Variants in CNTNAP2 observed in about 807,000 individuals in gnomAD.
The protein encoded by CNTNAP2 is contactin-associated protein-like 2.
In CNTNAP2, 98 loss-of-function variants were observed where a neutral mutation model predicts 155.2. The ratio of observed to expected loss-of-function variants is 0.63; its 90% CI spans 0.54 to 0.75. CNTNAP2 has a LOEUF of 0.75. CNTNAP2 is among the 30% of genes least tolerant of loss of function. CNTNAP2 has a pLI of 0.00. For missense variants in CNTNAP2, 1,727 were observed against 1,688.1 expected (o/e 1.02, Z -0.40); for synonymous variants, 651 against 631.2 (o/e 1.03, Z -0.47).
intron 13 of CNTNAP2, chr7:147,672,642 G>A (rs1421693512): frequency 6.6e-6 from 1 of 152,110 alleles, no homozygotes; most frequent in Non-Finnish European, 1.5e-5. Flanking sequence ...TTGAAATATA[G>A]GTGTCAAGCA....
chr7:146,848,327 T>C (rs1794802406), intron 3 of CNTNAP2, among the ~76,000 whole-genome samples: 1 of 152,150 alleles, frequency 6.6e-6, no homozygotes, highest in African/African-American at 2.4e-5. Flanking sequence ...ACAGTGCAAA[T>C]TGCAGACAGA....
chr7:146,491,045 A>C (rs1309294606), intron 1 of CNTNAP2, among the ~76,000 whole-genome samples: 2 of 152,170 alleles, frequency 1.3e-5, no homozygotes, highest in African/African-American at 4.8e-5. Flanking sequence ...TATTCTTTCT[A>C]GAGTGCATAT....
rs1026387988 is a variant in CNTNAP2 at position 146,737,014 on chromosome 7, G to A, written c.98-37257G>A. Among the ~76,000 whole-genome samples the A allele has an allele frequency of 4.6e-5, 7 of 151,926 alleles. 1 individual carries two copies. The highest frequency in any genetic ancestry group is 5.9e-5 in the Non-Finnish European group (4 of 67,958). Reference sequence around the variant, plus strand: ...CGTAAGTTTACTTTCTATTGTGAAAGGAATTAATCAAATAATGTGTGAAGA... The same window carrying A: ...CGTAAGTTTACTTTCTATTGTGAAAAGAATTAATCAAATAATGTGTGAAGA... On this transcript the variant is annotated intron_variant, in intron 1 of 23. Coordinates refer to ENST00000361727, the MANE Select transcript of CNTNAP2 (RefSeq NM_014141.6).
At chr7:146,224,409 T>C (rs1799257296) in intron 1 of CNTNAP2, among the ~76,000 whole-genome samples, 1 of 150,014 alleles carries the variant, frequency 6.7e-6, no homozygotes, top group Non-Finnish European at 1.5e-5. Flanking sequence ...AAGTTACGTT[T>C]TTATCAAGGA....
intron 11 of CNTNAP2, among the ~76,000 whole-genome samples, chr7:147,503,364 G>C (rs770448603): frequency 6.6e-6 from 1 of 152,130 alleles, no homozygotes; most frequent in African/African-American, 2.4e-5. Context: ...CATTGATCCA[G>C]TACAAATTAA....
intron 1 of CNTNAP2, among the ~76,000 whole-genome samples, chr7:146,374,760 G>A (rs756519228): frequency 2.0e-5 from 3 of 151,976 alleles, no homozygotes; most frequent in South Asian, 2.1e-4. Flanking sequence ...CCATTCATAC[G>A]GATTAAAATA....
At chr7:147,942,833 C>T (rs1381058411) in intron 14 of CNTNAP2, among the ~76,000 whole-genome samples, 4 of 152,004 alleles carry the variant, frequency 2.6e-5, no homozygotes, top group African/African-American at 7.2e-5. Context: ...GTCAGGAGAT[C>T]GAGACCATCC....
intron 13 of CNTNAP2, among the ~76,000 whole-genome samples, chr7:147,742,949 G>A (rs995228722): frequency 6.6e-6 from 1 of 152,162 alleles, no homozygotes; most frequent in Non-Finnish European, 1.5e-5. Flanking sequence ...AAATTGGGAG[G>A]ACAATGTGGA....
intron 13 of CNTNAP2, among the ~76,000 whole-genome samples, chr7:147,793,412 G>A (rs928302181): frequency 1.3e-5 from 2 of 152,188 alleles, no homozygotes; most frequent in East Asian, 3.9e-4. Context: ...TGTATACCAG[G>A]TGTAGCAGCT....
At chr7:147,188,325 G>T (rs1011220445) in intron 8 of CNTNAP2, among the ~76,000 whole-genome samples, 1 of 152,112 alleles carries the variant, frequency 6.6e-6, no homozygotes, top group Non-Finnish European at 1.5e-5. Context: ...GAAAACAGCA[G>T]CCAGTTGAGA....
chr7:146,757,287 C>G (rs1364536501), intron 1 of CNTNAP2, among the ~76,000 whole-genome samples: 1 of 152,050 alleles, frequency 6.6e-6, no homozygotes, highest in Admixed American at 6.6e-5. Context: ...GATGATTTAT[C>G]TACGTCACAG....
chr7:148,001,793 CA>C (rs1240603835), intron 15 of CNTNAP2, among the ~76,000 whole-genome samples: 2 of 152,010 alleles, frequency 1.3e-5, no homozygotes, highest in Non-Finnish European at 2.9e-5. Flanking sequence ...AAAAGAGTTA[CA>C]AAAATATTTC....
intron 1 of CNTNAP2, among the ~76,000 whole-genome samples, chr7:146,473,674 A>C (rs1362120487): frequency 6.6e-6 from 1 of 152,066 alleles, no homozygotes; most frequent in Admixed American, 6.6e-5. Flanking sequence ...TGTTCTTTCC[A>C]CCTGCAACTA....
chr7:147,014,199 A>G (rs1357007141), intron 3 of CNTNAP2, among the ~76,000 whole-genome samples: 1 of 152,206 alleles, frequency 6.6e-6, no homozygotes, highest in African/African-American at 2.4e-5. Flanking sequence ...TCCAAAACAA[A>G]TGTATTTTCT....
intron 1 of CNTNAP2, among the ~76,000 whole-genome samples, chr7:146,640,973 A>G (rs1311453377): frequency 6.6e-6 from 1 of 152,212 alleles, no homozygotes; most frequent in African/African-American, 2.4e-5. Context: ...TAAAATGTGA[A>G]TAAGTAAAAG....
intron 18 of CNTNAP2, among the ~76,000 whole-genome samples, chr7:148,206,617 C>A (rs1161452447): frequency 6.6e-6 from 1 of 152,214 alleles, no homozygotes; most frequent in Non-Finnish European, 1.5e-5. Flanking sequence ...TCGTTCCTGA[C>A]GCTGACTGCA....
intron 1 of CNTNAP2, among the ~76,000 whole-genome samples, chr7:146,502,602 T>G (rs554508894): frequency 7.2e-5 from 11 of 152,124 alleles, no homozygotes; most frequent in Middle Eastern, 3.4e-3. Flanking sequence ...AGATGATATT[T>G]CATTGTGATT....
intron 2 of CNTNAP2, among the ~76,000 whole-genome samples, chr7:146,827,158 C>T (rs1242746762): frequency 6.6e-6 from 1 of 151,670 alleles, no homozygotes; most frequent in Non-Finnish European, 1.5e-5. Flanking sequence ...TTACTTTATT[C>T]TTATATTCAT....
intron 1 of CNTNAP2, among the ~76,000 whole-genome samples, chr7:146,593,205 C>T (rs1359204552): frequency 1.3e-5 from 2 of 151,570 alleles, no homozygotes; most frequent in African/African-American, 4.8e-5. Flanking sequence ...TGGTGATACC[C>T]TGAAAGTCTT....
Sources: gnomAD v4.1 joint callset for allele counts (sites outside exome capture counted in the v4.1 genomes callset) on GRCh38, gnomAD v4.1.1 for gene constraint, MANE v1.5 for transcripts, NCBI Gene and HGNC (gene_info 2026-07-23, HGNC 2026-07-21) for gene names.